Variants in AFF2 observed in about 807,000 individuals in gnomAD.
AFF2 encodes ALF transcription elongation factor 2.
In AFF2, 14 loss-of-function variants were observed where a neutral mutation model predicts 76.9. That is an observed-to-expected ratio of 0.18 (90% CI 0.12 to 0.28). The LOEUF is 0.28. Ranked by LOEUF, AFF2 falls within the 10% of genes least tolerant of loss-of-function variation. The pLI is 1.00. For missense variants in AFF2, 868 were observed against 1,001.1 expected, an observed-to-expected ratio of 0.87 and a Z score of 1.79; for synonymous variants, 398 against 366.7, an observed-to-expected ratio of 1.09 and a Z score of -0.98.
At chrX:148,896,651 A>C (rs2071288051) in intron 8 of AFF2, among the ~76,000 whole-genome samples, 2 of 111,117 alleles carry the variant, frequency 1.8e-5, no homozygotes, top group South Asian at 3.9e-4. Flanking sequence ...AAAACATATT[A>C]TATTGTCCCT....
chrX:148,964,601 G>C (rs192560310), intron 13 of AFF2, among the ~76,000 whole-genome samples: 48 of 111,857 alleles, frequency 4.3e-4, no homozygotes, highest in Admixed American at 4.0e-3. Context: ...AATTCATAGA[G>C]ACAGACAGTA....
At chrX:148,765,458 C>T (rs932815966) in intron 3 of AFF2, among the ~76,000 whole-genome samples, 2 of 111,457 alleles carry the variant, frequency 1.8e-5, no homozygotes, top group African/African-American at 6.5e-5. Context: ...GAGAAGTGGA[C>T]CCAGACCAAC....
intron 9 of AFF2, among the ~76,000 whole-genome samples, chrX:148,930,844 TAG>T (rs1237302326): frequency 3.6e-5 from 4 of 112,426 alleles, no homozygotes; most frequent in African/African-American, 9.7e-5. Context: ...TGACTTCAGA[TAG>T]AGTCTTGGGA....
intron 1 of AFF2, among the ~76,000 whole-genome samples, chrX:148,574,651 A>G (rs2053265097): frequency 9.0e-6 from 1 of 110,553 alleles, no homozygotes; most frequent in Non-Finnish European, 1.9e-5. Context: ...AATTTATGGT[A>G]CTCTTTCCTG....
At position 148,996,597 on chromosome X, in the gene AFF2, C is replaced by T. The variant is rs782493401; in HGVS notation, c.*5265C>T. ...CAAACTCACCCTTACACACACACTT[C>T]GATGACTAAAACAATTACATAGTTT... On this transcript the variant is annotated 3_prime_UTR_variant, in exon 21 of 21. Transcript: ENST00000370460. 1.8e-5 allele frequency: 2 copies of T among 112,119 alleles called. No homozygotes were observed. Among genetic ancestry groups the T allele is most frequent in the African/African-American group, 6.5e-5 (2 of 30,843 alleles). The allele number at this position is 112,119 out of a possible 1,213,427, so 9.2% of individuals were successfully genotyped here.
In AFF2 at chrX:148,518,022, CA is replaced by C. The variant is rs543248775; in HGVS notation, c.47+16895del. Among the ~76,000 whole-genome samples the C allele has an allele frequency of 9.7e-3, 375 of 38,585 alleles. 3 individuals carry two copies. Among genetic ancestry groups the C allele is most frequent in the African/African-American group, 0.029 (295 of 10,257 alleles). The allele number at this position is 38,585 out of a possible 115,157, so 33.5% of individuals were successfully genotyped here. ...TGGGCGACAGTGCATGACTCCGTCTCAAAAAAAAAAAAAAAAAGAAAATAAT... is the reference window on the plus strand; with the variant it reads ...TGGGCGACAGTGCATGACTCCGTCTCAAAAAAAAAAAAAAAAGAAAATAAT... On this transcript the variant is annotated intron_variant, in intron 1 of 20. Coordinates refer to ENST00000370460, the MANE Select transcript of AFF2 (RefSeq NM_002025.4).
chrX:148,784,423 A>G (rs782427274), intron 3 of AFF2, among the ~76,000 whole-genome samples: 18 of 111,884 alleles, frequency 1.6e-4, no homozygotes, highest in Non-Finnish European at 3.2e-4. Flanking sequence ...TGAAGGAGAG[A>G]CAAGAGGAAG....
chrX:148,922,179 A>G (rs978414013), intron 9 of AFF2, among the ~76,000 whole-genome samples: 2 of 111,783 alleles, frequency 1.8e-5, no homozygotes, highest in Non-Finnish European at 3.8e-5. Context: ...ATTTTTTGAA[A>G]CTATTTTCTG....
intron 3 of AFF2, among the ~76,000 whole-genome samples, chrX:148,668,509 G>C (rs1324082465): frequency 1.8e-5 from 2 of 112,557 alleles, no homozygotes; most frequent in Non-Finnish European, 3.8e-5. Flanking sequence ...GGGTATCCAG[G>C]CATTTCCATA....
chrX:148,866,102 C>A (rs2070902719), intron 7 of AFF2, among the ~76,000 whole-genome samples: 1 of 111,561 alleles, frequency 9.0e-6, no homozygotes, highest in Admixed American at 9.5e-5. Context: ...ACTCCCATAG[C>A]TGTTCTTTCC....
intron 1 of AFF2, among the ~76,000 whole-genome samples, chrX:148,549,223 C>T (rs183996996): frequency 2.8e-4 from 31 of 111,992 alleles, no homozygotes; most frequent in Admixed American, 2.6e-3. Flanking sequence ...ACTGAAAAAG[C>T]GAATGAGCCT....
rs1367117132 is a variant in AFF2 at position 149,000,274 on chromosome X, A to G, written c.*8942A>G. 6 of 112,694 alleles carry G rather than the reference A, an allele frequency of 5.3e-5. No individual in the cohort carries two copies. The highest frequency in any genetic ancestry group is 1.9e-4 in the African/African-American group (6 of 31,015). 9.3% of individuals were successfully genotyped at this position (112,694 alleles called of 1,213,427 possible). Reference sequence around the variant, plus strand: ...AGATCCACCAACTGTCACTGTTCTTAACAAGCATGCTCGTCTTGTCAGAAT... The same window carrying G: ...AGATCCACCAACTGTCACTGTTCTTGACAAGCATGCTCGTCTTGTCAGAAT... On this transcript the variant is annotated 3_prime_UTR_variant, in exon 21 of 21. Transcript: ENST00000370460.
rs1428010228 is a variant in AFF2 at position 148,576,736 on chromosome X, C to CT, written c.48-75258dup. Among the ~76,000 whole-genome samples, 4 of 110,817 alleles carry CT rather than the reference C, an allele frequency of 3.6e-5. No individual in the cohort carries two copies. In the East Asian group the frequency reaches 1.1e-3, roughly 32 times the overall value. ...GTGGCTACCCACCAAAAACGAAAGT[C>CT]TTTTTCCCAATTCCCCTAGTTTAGC... is the stretch of plus-strand genomic sequence containing the variant. On this transcript the variant is annotated intron_variant, in intron 1 of 20. Transcript: ENST00000370460.
intron 4 of AFF2, among the ~76,000 whole-genome samples, chrX:148,817,013 T>C (rs781815413): frequency 7.2e-4 from 79 of 109,561 alleles, no homozygotes; most frequent in African/African-American, 2.5e-3. Flanking sequence ...ATTAAAGCTG[T>C]GACCAACATA....
At chrX:148,983,965 A>AAAAAAAAAAAAAAAAAAAAAAAAAAAAC (rs1438744109) in intron 19 of AFF2, among the ~76,000 whole-genome samples, 2 of 99,781 alleles carry the variant, frequency 2.0e-5, no homozygotes, top group African/African-American at 7.7e-5. Flanking sequence ...AAAAAAAAAA[A>AAAAAAAAAAAAAAAAAAAAAAAAAAAAC]AAACTGCCCT....
intron 4 of AFF2, among the ~76,000 whole-genome samples, chrX:148,835,052 A>G (rs2070504085): frequency 8.9e-6 from 1 of 112,269 alleles, no homozygotes; most frequent in Admixed American, 9.5e-5. Context: ...GGATTAGCTA[A>G]CAGGGCAGTG....
chrX:148,860,910 A>G (rs1205246020), intron 7 of AFF2, among the ~76,000 whole-genome samples: 1 of 111,720 alleles, frequency 9.0e-6, no homozygotes, highest in Non-Finnish European at 1.9e-5. Context: ...AAGGTTTTAC[A>G]TAAGGTAATT....
chrX:148,516,661 A>G (rs2052538322), intron 1 of AFF2, among the ~76,000 whole-genome samples: 1 of 111,833 alleles, frequency 8.9e-6, no homozygotes, highest in African/African-American at 3.3e-5. Flanking sequence ...CATTTTTATG[A>G]TGGGGAAATT....
At chrX:148,556,384 A>G (rs1174465941) in intron 1 of AFF2, among the ~76,000 whole-genome samples, 3 of 111,943 alleles carry the variant, frequency 2.7e-5, no homozygotes, top group African/African-American at 9.7e-5. Flanking sequence ...GGGCGCCACC[A>G]TACTTAAGGT....
Sources: gnomAD v4.1 joint callset for allele counts (sites outside exome capture counted in the v4.1 genomes callset) on GRCh38, gnomAD v4.1.1 for gene constraint, MANE v1.5 for transcripts, NCBI Gene and HGNC (gene_info 2026-07-23, HGNC 2026-07-21) for gene names.